Variants in RRM2B observed in about 807,000 individuals in gnomAD.
RRM2B encodes ribonucleoside-diphosphate reductase subunit M2 B.
Under a neutral mutation model 45.9 loss-of-function variants are expected in RRM2B, and 20 were observed. That is an observed-to-expected ratio of 0.44 (90% confidence interval 0.31 to 0.63). The LOEUF (loss-of-function observed/expected upper bound fraction) is 0.63, where lower values mean the gene tolerates loss of function less well. RRM2B is among the 30% of genes least tolerant of loss of function. The pLI is 0.09. For missense variants in RRM2B, 320 were observed against 414.7 expected (o/e 0.77, Z 1.98); for synonymous variants, 124 against 132.3 (o/e 0.94, Z 0.43).
At chr8:102,223,488 T>C (rs1810869404) in intron 5 of RRM2B, among the ~76,000 whole-genome samples, 1 of 151,240 alleles carries the variant, frequency 6.6e-6, no homozygotes, top group African/African-American at 2.4e-5. Flanking sequence ...AGATCAAGAG[T>C]TCAAGACTAG....
In RRM2B at chr8:102,208,042, A is replaced by T; in HGVS notation, c.*91T>A. 1 of 1,051,920 alleles carries T rather than the reference A, an allele frequency of 9.5e-7. No homozygotes were observed. The highest frequency in any genetic ancestry group is 1.4e-6 in the Non-Finnish European group (1 of 692,430). 65.2% of individuals were successfully genotyped at this position (1,051,920 alleles called of 1,614,324 possible). A position where few individuals can be genotyped will look rare whatever the true frequency, so the allele number is the denominator to read the frequency against. On this transcript the variant is annotated 3_prime_UTR_variant, in exon 9 of 9. Coordinates refer to ENST00000251810, the MANE Select transcript of RRM2B (RefSeq NM_015713.5). ...CTTTTGAGCAAACCCCCAGTCCTTT[A>T]AAGGATATACTTAAAATTTTTTTTA... is the stretch of plus-strand genomic sequence containing the variant.
intron 6 of RRM2B, among the ~76,000 whole-genome samples, chr8:102,215,045 T>TAAAAAAAAAAAAAAAAAAAA (rs3063793): frequency 3.2e-5 from 2 of 61,778 alleles, no homozygotes; most frequent in African/African-American, 6.8e-5. Context: ...AGCTAAATAT[T>TAAAAAAAAAAAAAAAAAAAA]AAAAAAAAAA....
At chr8:102,214,503 A>C (rs1218832178) in intron 6 of RRM2B, 1 of 267,726 alleles carries the variant, frequency 3.7e-6, no homozygotes, top group Non-Finnish European at 7.5e-6. Context: ...TTTCAAAAAT[A>C]ATTAAGGAAT....
At chr8:102,215,045 T>TAAAAAAAAAAAAAAAAAAAAAAAA (rs3063793) in intron 6 of RRM2B, among the ~76,000 whole-genome samples, 2 of 61,778 alleles carry the variant, frequency 3.2e-5, no homozygotes, top group Non-Finnish European at 6.0e-5. Context: ...AGCTAAATAT[T>TAAAAAAAAAAAAAAAAAAAAAAAA]AAAAAAAAAA....
intron 1 of RRM2B, chr8:102,238,456 G>T: frequency 1.9e-6 from 2 of 1,057,622 alleles, no homozygotes; most frequent in Non-Finnish European, 2.5e-6. Flanking sequence ...CAGCAGAGCC[G>T]CCACAGTCCT....
chr8:102,213,904 T>C, intron 7 of RRM2B, 150 bp downstream of exon 7: 2 of 650,038 alleles, frequency 3.1e-6, no homozygotes, highest in South Asian at 3.4e-5. Context: ...ATAATAATTG[T>C]AATATATCAT....
At chr8:102,227,759 T>C (rs191327987) in intron 2 of RRM2B, among the ~76,000 whole-genome samples, 1 of 152,314 alleles carries the variant, frequency 6.6e-6, no homozygotes, top group East Asian at 1.9e-4. Context: ...GTTGGGTTAT[T>C]GGTGAAGGCC....
intron 5 of RRM2B, 91 bp from the exon 6 acceptor site, chr8:102,219,038 C>G: frequency 7.3e-7 from 1 of 1,362,972 alleles, no homozygotes; most frequent in Non-Finnish European, 1.0e-6. Context: ...AATACCACAA[C>G]TGTTTGCAAA....
chr8:102,220,463 G>A (rs1215118876), intron 5 of RRM2B, among the ~76,000 whole-genome samples: 1 of 152,052 alleles, frequency 6.6e-6, no homozygotes, highest in East Asian at 1.9e-4. Flanking sequence ...AGACAGTATG[G>A]GGTCTTGCTC....
chr8:102,237,227 A>T (rs753927654), intron 1 of RRM2B, among the ~76,000 whole-genome samples: 6 of 152,238 alleles, frequency 3.9e-5, no homozygotes, highest in Non-Finnish European at 8.8e-5. Flanking sequence ...AACTCTGAGA[A>T]ATTGACAATA....
rs989114472 is a variant in RRM2B at position 102,208,041 on chromosome 8, T to G, written c.*92A>C. ...CCTTTTGAGCAAACCCCCAGTCCTTTAAAGGATATACTTAAAATTTTTTTT... is the reference window on the plus strand; with the variant it reads ...CCTTTTGAGCAAACCCCCAGTCCTTGAAAGGATATACTTAAAATTTTTTTT... On this transcript the variant is annotated 3_prime_UTR_variant, in exon 9 of 9. Transcript: ENST00000251810. 6.7e-6 allele frequency: 7 copies of G among 1,045,258 alleles called. No individual in the cohort carries two copies. The highest frequency in any genetic ancestry group is 1.0e-5 in the Non-Finnish European group (7 of 686,792). The allele number at this position is 1,045,258 out of a possible 1,614,324, so 64.7% of individuals were successfully genotyped here.
chr8:102,220,454 G>A (rs1810810813), intron 5 of RRM2B, among the ~76,000 whole-genome samples: 1 of 152,102 alleles, frequency 6.6e-6, no homozygotes. Flanking sequence ...TTTTGTTAGA[G>A]ACAGTATGGG....
chr8:102,233,433 A>C (rs1329593519), intron 1 of RRM2B, among the ~76,000 whole-genome samples: 1 of 152,178 alleles, frequency 6.6e-6, no homozygotes, highest in Non-Finnish European at 1.5e-5. Flanking sequence ...AAGAGGAACC[A>C]ATTTTTATTT....
chr8:102,238,761 T>A (rs1334271304), intron 1 of RRM2B, 66 bp downstream of exon 1: 2 of 1,612,542 alleles, frequency 1.2e-6, no homozygotes, highest in Non-Finnish European at 8.5e-7. Context: ...ACAGCGGTCC[T>A]GCAACTTGCA....
intron 5 of RRM2B, among the ~76,000 whole-genome samples, chr8:102,222,497 G>A (rs1346972012): frequency 6.6e-6 from 1 of 152,142 alleles, no homozygotes; most frequent in African/African-American, 2.4e-5. Flanking sequence ...TGGTCCAAGA[G>A]TCCCTGAGAG....
intron 1 of RRM2B, 67 bp downstream of exon 1, chr8:102,238,760 C>G: frequency 6.2e-7 from 1 of 1,612,494 alleles, no homozygotes; most frequent in Non-Finnish European, 8.5e-7. Flanking sequence ...TACAGCGGTC[C>G]TGCAACTTGC....
Position 102,224,342 on chromosome 8 carries a change from C to T in RRM2B, c.456-202G>A, listed in dbSNP as rs117329782. On this transcript the variant is annotated intron_variant, in intron 4 of 8. Coordinates refer to ENST00000251810, the MANE Select transcript of RRM2B (RefSeq NM_015713.5). ...GACGACAGGTGCCCGCCACCACGCC[C>T]GGCTAGTATTTTTAGTAGAGACGTG... is the stretch of plus-strand genomic sequence containing the variant. 0.054 allele frequency among the ~76,000 whole-genome samples: 8,223 copies of T among 152,100 alleles called. 261 individuals are homozygous for T. The highest frequency in any genetic ancestry group is 0.14 in the Middle Eastern group (40 of 294).
intron 2 of RRM2B, among the ~76,000 whole-genome samples, chr8:102,226,449 T>C (rs10108699): frequency 0.036 from 5,409 of 151,732 alleles, 164 homozygotes; most frequent in African/African-American, 0.083. Flanking sequence ...GGATGTACTT[T>C]AAAAATATTC....
intron 4 of RRM2B, 146 bp downstream of exon 4, chr8:102,224,739 A>C (rs982830140): frequency 3.1e-5 from 25 of 806,562 alleles, no homozygotes; most frequent in Non-Finnish European, 4.9e-5. Flanking sequence ...TTTAAAACCC[A>C]ATACATTATT....
Sources: gnomAD v4.1 joint callset for allele counts (sites outside exome capture counted in the v4.1 genomes callset) on GRCh38, gnomAD v4.1.1 for gene constraint, MANE v1.5 for transcripts, NCBI Gene and HGNC (gene_info 2026-07-23, HGNC 2026-07-21) for gene names.